WDPCP: variants seen among roughly 807,000 people sequenced by gnomAD.
The protein encoded by WDPCP is WD repeat-containing and planar cell polarity effector protein fritz homolog.
WDPCP carries 71 observed loss-of-function variants against 93.1 expected under a neutral mutation model. That is an observed-to-expected ratio of 0.76 (90% CI 0.63 to 0.93). WDPCP has a LOEUF of 0.93. Among genes scored for constraint, WDPCP ranks in the 40% least tolerant of loss-of-function variants. The pLI, the probability that WDPCP is intolerant of heterozygous loss-of-function variation, is 0.00. For synonymous variants in WDPCP, 315 were observed against 315.0 expected (o/e 1.00, Z 0.00); for missense variants, 844 against 887.4 (o/e 0.95, Z 0.62).
rs1446002153 is a variant in WDPCP at position 63,751,978 on chromosome 2, C to T, written n.308+61644G>A. On this transcript the variant is annotated intron_variant and non_coding_transcript_variant, in intron 2 of 4. Transcript: ENST00000467687. ...GCCATCATGACCACTGAAGTTTCCT[C>T]CACAATCAAAGTTGTCATTTCCACT... The T allele has an allele frequency of 6.3e-6, 4 of 633,206 alleles. No homozygotes were observed. In the Admixed American group the frequency reaches 7.5e-5, roughly 12 times the overall value. The allele number at this position is 633,206 out of a possible 1,614,324, so 39.2% of individuals were successfully genotyped here. A position where few individuals can be genotyped will look rare whatever the true frequency, so the allele number is the denominator to read the frequency against.
At chr2:63,752,091 C>T in intron 2 of WDPCP, 1 of 601,508 alleles carries the variant, frequency 1.7e-6, no homozygotes, top group South Asian at 1.6e-5. Context: ...CTTGTTTTGG[C>T]AGGGCTTTCC....
intron 2 of WDPCP, among the ~76,000 whole-genome samples, chr2:63,812,338 A>T (rs145072851): frequency 1.2e-3 from 177 of 152,186 alleles, no homozygotes; most frequent in Middle Eastern, 0.01. Flanking sequence ...GATTGATTCC[A>T]TGTCTTTGCT....
chr2:63,692,648 TC>T (rs1282089610), intron 2 of WDPCP, among the ~76,000 whole-genome samples: 15 of 152,342 alleles, frequency 9.8e-5, no homozygotes, highest in African/African-American at 3.6e-4. Flanking sequence ...TACTAAAATC[TC>T]TTTTAGATAG....
chr2:63,248,301 T>C (rs1217109369), intron 14 of WDPCP, among the ~76,000 whole-genome samples: 1 of 152,184 alleles, frequency 6.6e-6, no homozygotes, highest in African/African-American at 2.4e-5. Context: ...CCAAAGCTTC[T>C]GCTGAGAAGT....
At chr2:63,406,345 A>T (rs955456050) in intron 9 of WDPCP, among the ~76,000 whole-genome samples, 9 of 151,656 alleles carry the variant, frequency 5.9e-5, no homozygotes, top group African/African-American at 2.2e-4. Flanking sequence ...CCTCCCTCAC[A>T]CTCTTTTTGC....
intron 9 of WDPCP, among the ~76,000 whole-genome samples, chr2:63,405,813 A>C (rs2105208525): frequency 6.6e-6 from 1 of 152,242 alleles, no homozygotes; most frequent in South Asian, 2.1e-4. Flanking sequence ...AGTGGTATTA[A>C]AGAAGGTCAG....
intron 2 of WDPCP, among the ~76,000 whole-genome samples, chr2:63,728,669 CA>C (rs1669521456): frequency 6.6e-6 from 1 of 152,006 alleles, no homozygotes; most frequent in Admixed American, 6.5e-5. Flanking sequence ...GCAGTTATCC[CA>C]CTGCAAGTTG....
chr2:63,519,291 G>A (rs1702765503), intron 1 of WDPCP: 1 of 152,516 alleles, frequency 6.6e-6, no homozygotes, highest in South Asian at 2.1e-4. Context: ...CATTGGCATG[G>A]AGAATCCCAA....
chr2:63,239,164 C>G (rs966975006), intron 14 of WDPCP, among the ~76,000 whole-genome samples: 10 of 151,996 alleles, frequency 6.6e-5, no homozygotes, highest in Non-Finnish European at 5.9e-5. Flanking sequence ...TAAATTCTGC[C>G]CTATAGCAAA....
rs117711901 is a variant in WDPCP at position 63,709,802 on chromosome 2, A to G, written n.309-58964T>C. ...GAAACTTAAGGAAATTATTGAAGAT[A>G]TTCAGGAGCAGAGAGTTACAATAAA... On this transcript the variant is annotated intron_variant and non_coding_transcript_variant, in intron 2 of 4. Transcript: ENST00000467687. Among the ~76,000 whole-genome samples, 331 of 152,352 alleles carry G rather than the reference A, an allele frequency of 2.2e-3. 9 individuals carry two copies. In the East Asian group the frequency reaches 0.058, roughly 27 times the overall value.
intron 2 of WDPCP, among the ~76,000 whole-genome samples, chr2:63,799,890 C>A (rs1324932901): frequency 1.3e-5 from 2 of 152,106 alleles, no homozygotes; most frequent in Non-Finnish European, 2.9e-5. Flanking sequence ...AAAGGACTAT[C>A]CTCTGTTCTG....
At chr2:63,769,212 A>G (rs1335503290) in intron 2 of WDPCP, among the ~76,000 whole-genome samples, 1 of 151,978 alleles carries the variant, frequency 6.6e-6, no homozygotes, top group African/African-American at 2.4e-5. Context: ...GCCAGTGGGT[A>G]TGTATTATGT....
intron 14 of WDPCP, among the ~76,000 whole-genome samples, chr2:63,252,294 A>G (rs943600355): frequency 6.6e-6 from 1 of 152,216 alleles, no homozygotes; most frequent in Admixed American, 6.5e-5. Flanking sequence ...CCTCAAAGTA[A>G]GAGCCATCTA....
chr2:63,403,337 C>A (rs1694296246), intron 10 of WDPCP, among the ~76,000 whole-genome samples: 1 of 151,850 alleles, frequency 6.6e-6, no homozygotes, highest in Admixed American at 6.6e-5. Context: ...GGCTTAATAC[C>A]TGTGTGATGA....
At chr2:63,479,283 C>T (rs1011124708) in intron 6 of WDPCP, among the ~76,000 whole-genome samples, 1 of 152,014 alleles carries the variant, frequency 6.6e-6, no homozygotes, top group African/African-American at 2.4e-5. Flanking sequence ...GGTATCAATC[C>T]TATTGACACT....
At chr2:63,746,168 A>T (rs1271147484) in intron 2 of WDPCP, among the ~76,000 whole-genome samples, 1 of 152,154 alleles carries the variant, frequency 6.6e-6, no homozygotes, top group Non-Finnish European at 1.5e-5. Flanking sequence ...ATACTTTTAT[A>T]ATTTCTTACA....
chr2:63,436,716 C>G (rs1198881150), intron 8 of WDPCP, among the ~76,000 whole-genome samples: 2 of 152,006 alleles, frequency 1.3e-5, no homozygotes, highest in African/African-American at 2.4e-5. Flanking sequence ...GAAAAGAGGC[C>G]TTGAACTGAA....
At chr2:63,635,623 T>C (rs1165734755) in intron 3 of WDPCP, among the ~76,000 whole-genome samples, 2 of 152,136 alleles carry the variant, frequency 1.3e-5, no homozygotes, top group African/African-American at 4.8e-5. Context: ...ATCATCTCAA[T>C]AGATGCAGAA....
intron 1 of WDPCP, among the ~76,000 whole-genome samples, chr2:63,825,319 T>C (rs1671096827): frequency 6.6e-6 from 1 of 152,188 alleles, no homozygotes; most frequent in African/African-American, 2.4e-5. Flanking sequence ...CTTAGCACAG[T>C]TCTCAGTATT....
Sources: allele counts gnomAD v4.1 joint callset (sites outside exome capture counted in the v4.1 genomes callset), GRCh38; gene constraint gnomAD v4.1.1; transcripts MANE v1.5; gene names NCBI Gene and HGNC (gene_info 2026-07-23, HGNC 2026-07-21).